CCND3: variants seen among roughly 807,000 people sequenced by gnomAD.
CCND3 encodes G1/S-specific cyclin-D3.
CCND3 carries 9 observed loss-of-function variants against 28.7 expected under a neutral mutation model. The ratio of observed to expected loss-of-function variants is 0.31; its 90% CI spans 0.19 to 0.55. The LOEUF (loss-of-function observed/expected upper bound fraction) is 0.55. Ranked by LOEUF, CCND3 falls within the 20% of genes least tolerant of loss-of-function variation. The pLI is 0.93. For synonymous variants in CCND3, 164 were observed against 163.9 expected (o/e 1.00, Z 0.00); for missense variants, 315 against 385.8 (o/e 0.82, Z 1.54).
intron 1 of CCND3, among the ~76,000 whole-genome samples, chr6:41,991,844 G>A (rs888346574): frequency 3.9e-5 from 6 of 152,084 alleles, no homozygotes; most frequent in South Asian, 2.1e-4. Flanking sequence ...GAGAACATGC[G>A]GTGTTTAACT....
upstream of CCND3, among the ~76,000 whole-genome samples, chr6:41,945,431 T>C (rs183305543): frequency 6.6e-6 from 1 of 152,312 alleles, no homozygotes; most frequent in Non-Finnish European, 1.5e-5. Context: ...GGAGAATCAC[T>C]TGAACCCTGG....
upstream of CCND3, among the ~76,000 whole-genome samples, chr6:41,942,872 C>CTTTTTTTTTTTTTTTTTTTTTTT: frequency 1.2e-5 from 1 of 82,568 alleles, no homozygotes; most frequent in Non-Finnish European, 2.2e-5. Flanking sequence ...GTTAATTATT[C>CTTTTTTTTTTTTTTTTTTTTTTT]TTTTTTTTTT....
At chr6:41,953,667 G>A (rs1044133761) in intron 1 of CCND3, among the ~76,000 whole-genome samples, 2 of 151,982 alleles carry the variant, frequency 1.3e-5, no homozygotes, top group Non-Finnish European at 2.9e-5. Context: ...GTGGTCTTGT[G>A]TTTCAGGGGA....
At chr6:41,986,392 T>A (rs1762481448) in intron 1 of CCND3, among the ~76,000 whole-genome samples, 1 of 151,998 alleles carries the variant, frequency 6.6e-6, no homozygotes, top group Non-Finnish European at 1.5e-5. Flanking sequence ...ACATTAATTC[T>A]TCCAATTCAT....
intron 1 of CCND3, among the ~76,000 whole-genome samples, chr6:42,020,493 T>A (rs1008856523): frequency 2.0e-5 from 3 of 152,134 alleles, no homozygotes; most frequent in African/African-American, 7.2e-5. Flanking sequence ...TCCCCAGATC[T>A]AGACACTTGG....
Position 41,941,030 on chromosome 6 carries a change from A to C in CCND3, c.198+422T>G. ...TGTCGGCCGGAACAGGGCGCGCGCCACCCCCATCGCCTTCCCCGCCAGAAC... is the reference window on the plus strand; with the variant it reads ...TGTCGGCCGGAACAGGGCGCGCGCCCCCCCCATCGCCTTCCCCGCCAGAAC... On this transcript the variant is annotated intron_variant, in intron 1 of 4. Transcript: ENST00000372991. The surrounding 1 kb of genome is among the most constrained non-coding windows in gnomAD (Gnocchi z 6.1). 6.2e-7 allele frequency: 1 copy of C among 1,605,708 alleles called. No homozygotes were observed. The highest frequency in any genetic ancestry group is 1.1e-5 in the South Asian group (1 of 90,634).
rs1040110814 is a variant in CCND3 at position 41,941,650 on chromosome 6, A to C, written c.-1T>G. On this transcript the variant is annotated 5_prime_UTR_variant, in exon 1 of 5. Transcript: ENST00000372991. The surrounding 1 kb of genome is among the most constrained non-coding windows in gnomAD (Gnocchi z 6.1). ...TGCCTTCGCAACACAGCAGCTCCAT[A>C]CTCGGGCAGCGAACAGGCAGGGCGG... is the stretch of plus-strand genomic sequence containing the variant. The C allele has an allele frequency of 1.3e-5, 18 of 1,438,352 alleles. No individual in the cohort carries two copies. In the African/African-American group the frequency reaches 2.4e-4, roughly 19 times the overall value. The allele number at this position is 1,438,352 out of a possible 1,614,324, so 89.1% of individuals were successfully genotyped here. A position where few individuals can be genotyped will look rare whatever the true frequency, so the allele number is the denominator to read the frequency against.
At chr6:41,952,784 T>A (rs1582101550) in intron 1 of CCND3, among the ~76,000 whole-genome samples, 1 of 147,436 alleles carries the variant, frequency 6.8e-6, no homozygotes, top group East Asian at 2.0e-4. Flanking sequence ...ATAAATACAC[T>A]GTGCTCATTT....
chr6:41,969,406 C>T (rs1192599614), intron 1 of CCND3, among the ~76,000 whole-genome samples: 1 of 151,940 alleles, frequency 6.6e-6, no homozygotes, highest in Non-Finnish European at 1.5e-5. Context: ...ATCCCAGCTA[C>T]TCGGGAGGCT....
chr6:42,017,759 A>G (rs530313247), intron 1 of CCND3, among the ~76,000 whole-genome samples: 2 of 152,358 alleles, frequency 1.3e-5, no homozygotes, highest in Admixed American at 6.5e-5. Flanking sequence ...CTATATATTG[A>G]CATACAAAAA....
At chr6:42,047,686 A>G (rs1764586598) in intron 1 of CCND3, among the ~76,000 whole-genome samples, 1 of 152,186 alleles carries the variant, frequency 6.6e-6, no homozygotes, top group Non-Finnish European at 1.5e-5. Context: ...ACAGTGGATT[A>G]AAGGGAGCAG....
chr6:41,970,931 C>T (rs547096447), intron 1 of CCND3, among the ~76,000 whole-genome samples: 15 of 151,612 alleles, frequency 9.9e-5, no homozygotes, highest in African/African-American at 3.1e-4. Context: ...TTTTTTCCCC[C>T]CCTTGAGACA....
At chr6:41,944,657 A>G (rs1008518621), upstream of CCND3, among the ~76,000 whole-genome samples, 1 of 152,110 alleles carries the variant, frequency 6.6e-6, no homozygotes, top group Non-Finnish European at 1.5e-5. Context: ...CCTGACCTCA[A>G]GTGATCTGCC....
intron 1 of CCND3, among the ~76,000 whole-genome samples, chr6:41,995,166 C>CA (rs1356716080): frequency 6.6e-6 from 1 of 151,966 alleles, no homozygotes; most frequent in Non-Finnish European, 1.5e-5. Context: ...TTTATTATAG[C>CA]AAAAAATTTG....
chr6:41,950,904 T>G (rs1417468167), intron 1 of CCND3, among the ~76,000 whole-genome samples: 1 of 151,838 alleles, frequency 6.6e-6, no homozygotes, highest in African/African-American at 2.4e-5. Flanking sequence ...GAGTTGGGGT[T>G]TCACCGTGTT....
chr6:41,946,990 C>T (rs924704090), intron 1 of CCND3, among the ~76,000 whole-genome samples: 5 of 151,558 alleles, frequency 3.3e-5, no homozygotes, highest in African/African-American at 2.4e-5. Context: ...GAGGCCGAGG[C>T]GGGCAGATCA....
chr6:41,997,856 TAACAGCC>T (rs1314851227), intron 1 of CCND3, among the ~76,000 whole-genome samples: 1 of 151,360 alleles, frequency 6.6e-6, no homozygotes, highest in Non-Finnish European at 1.5e-5. Context: ...GAATTTCAGG[TAACAGCC>T]AGGCACAATG....
At chr6:42,007,591 C>T (rs961182050) in intron 1 of CCND3, among the ~76,000 whole-genome samples, 1 of 152,122 alleles carries the variant, frequency 6.6e-6, no homozygotes, top group Non-Finnish European at 1.5e-5. Context: ...GGCTAAGCAA[C>T]CATAGTACCA....
chr6:41,937,429 G>A (rs760346974), intron 2 of CCND3, 35 bp from the exon 3 acceptor site: 18 of 1,612,542 alleles, frequency 1.1e-5, no homozygotes, highest in Non-Finnish European at 1.4e-5. Context: ...GTCAGTGGCT[G>A]GAGAAGTGAA....
Sources: gnomAD v4.1 joint callset for allele counts (sites outside exome capture counted in the v4.1 genomes callset) on GRCh38, gnomAD v4.1.1 for gene constraint, Gnocchi (gnomAD v3.1) non-coding constraint, MANE v1.5 for transcripts, NCBI Gene and HGNC (gene_info 2026-07-23, HGNC 2026-07-21) for gene names.